CHCHD6: variants seen among roughly 807,000 people sequenced by gnomAD.
CHCHD6 encodes the protein MICOS complex subunit MIC25.
Under a neutral mutation model 32.3 loss-of-function variants are expected in CHCHD6, and 28 were observed. The observed-to-expected ratio is 0.87, with a 90% CI of 0.64 to 1.19. The LOEUF is 1.19. Ranked by LOEUF, CHCHD6 falls within the 50% of genes most tolerant of loss-of-function variation. CHCHD6 has a pLI of 0.00. For missense variants in CHCHD6, 333 were observed against 307.0 expected, an observed-to-expected ratio of 1.08 and a Z score of -0.63; for synonymous variants, 122 against 117.5, an observed-to-expected ratio of 1.04 and a Z score of -0.25.
intron 5 of CHCHD6, among the ~76,000 whole-genome samples, chr3:126,861,877 T>TCCACCATCACCACCTCCCCCTCCA: frequency 3.3e-5 from 1 of 30,442 alleles, no homozygotes; most frequent in Non-Finnish European, 6.2e-5. Context: ...CTCCCCCTCC[T>TCCACCATCACCACCTCCCCCTCCA]CCACCATCAC....
intron 5 of CHCHD6, among the ~76,000 whole-genome samples, chr3:126,858,296 A>AGGGGCG (rs1409911327): frequency 0.3 from 1,302 of 4,316 alleles, 16 homozygotes; most frequent in Middle Eastern, 0.5. Flanking sequence ...ATGTGGTGGC[A>AGGGGCG]GGGGCGGGGG....
chr3:126,883,826 T>C (rs1178299448), intron 5 of CHCHD6, among the ~76,000 whole-genome samples: 1 of 152,212 alleles, frequency 6.6e-6, no homozygotes, highest in Non-Finnish European at 1.5e-5. Context: ...GATATGAAAA[T>C]AGAACCTTTT....
intron 4 of CHCHD6, among the ~76,000 whole-genome samples, chr3:126,835,912 A>G (rs1008173720): frequency 2.0e-5 from 3 of 152,202 alleles, no homozygotes; most frequent in Admixed American, 2.0e-4. Flanking sequence ...TTTCTTCTGT[A>G]AAGGTTTCTC....
At chr3:126,830,262 C>T (rs1264106076) in intron 4 of CHCHD6, among the ~76,000 whole-genome samples, 1 of 152,182 alleles carries the variant, frequency 6.6e-6, no homozygotes, top group Non-Finnish European at 1.5e-5. Context: ...GTGTTGGCCA[C>T]CTCGTGTCAT....
At position 126,773,467 on chromosome 3, in the gene CHCHD6, C is replaced by T. The variant is rs7615370; in HGVS notation, c.411+40245C>T. Among the ~76,000 whole-genome samples the T allele has an allele frequency of 3.1e-3, 465 of 152,312 alleles. 3 individuals carry two copies. The highest frequency in any genetic ancestry group is 0.011 in the African/African-American group (443 of 41,558). ...AGCCATGACAGCGATAGGGCAAAGG[C>T]AAGTAAAAACACCAGAAAGTTTTCC... On this transcript the variant is annotated intron_variant, in intron 4 of 7. Coordinates refer to ENST00000290913, the MANE Select transcript of CHCHD6 (RefSeq NM_032343.3).
intron 6 of CHCHD6, among the ~76,000 whole-genome samples, chr3:126,938,052 A>G (rs2078507215): frequency 6.6e-6 from 1 of 152,238 alleles, no homozygotes; most frequent in African/African-American, 2.4e-5. Context: ...GCTAGCAGCA[A>G]GTTACAACCC....
chr3:126,827,162 C>T (rs1940429488), intron 4 of CHCHD6, among the ~76,000 whole-genome samples: 1 of 152,172 alleles, frequency 6.6e-6, no homozygotes, highest in Non-Finnish European at 1.5e-5. Context: ...ATTCTTTAGG[C>T]TCTCAAAAGC....
chr3:126,872,394 A>G (rs926082515), intron 5 of CHCHD6, among the ~76,000 whole-genome samples: 2 of 152,138 alleles, frequency 1.3e-5, no homozygotes, highest in Non-Finnish European at 2.9e-5. Flanking sequence ...GCCAAGATGA[A>G]GAGATCCTAT....
chr3:126,781,060 G>A (rs929839618), intron 4 of CHCHD6, among the ~76,000 whole-genome samples: 1 of 152,194 alleles, frequency 6.6e-6, no homozygotes, highest in African/African-American at 2.4e-5. Flanking sequence ...GTAAAGGACA[G>A]TAGGATTACC....
intron 5 of CHCHD6, among the ~76,000 whole-genome samples, chr3:126,857,507 A>C (rs1465737092): frequency 1.3e-5 from 2 of 152,056 alleles, no homozygotes; most frequent in Non-Finnish European, 2.9e-5. Flanking sequence ...TTAAGAGAAG[A>C]CCATCATCTG....
At chr3:126,747,713 C>T (rs894194093) in intron 4 of CHCHD6, among the ~76,000 whole-genome samples, 1 of 152,300 alleles carries the variant, frequency 6.6e-6, no homozygotes, top group African/African-American at 2.4e-5. Flanking sequence ...TGTCTCCCTG[C>T]CCACAGGGTC....
intron 5 of CHCHD6, among the ~76,000 whole-genome samples, chr3:126,884,380 C>G (rs1349386669): frequency 1.3e-5 from 2 of 152,114 alleles, no homozygotes; most frequent in African/African-American, 4.8e-5. Flanking sequence ...TTTTGGCAAT[C>G]AAAGAGGGAA....
At chr3:126,862,660 T>C (rs1576513851) in intron 5 of CHCHD6, among the ~76,000 whole-genome samples, 3 of 60,362 alleles carry the variant, frequency 5.0e-5, no homozygotes, top group Non-Finnish European at 6.6e-5. Flanking sequence ...CATCACCACC[T>C]CCCCCTCCTC....
At chr3:126,903,777 C>T (rs895581215) in intron 5 of CHCHD6, among the ~76,000 whole-genome samples, 2 of 152,158 alleles carry the variant, frequency 1.3e-5, no homozygotes, top group African/African-American at 2.4e-5. Flanking sequence ...ACTCCCAGCA[C>T]ACTGTGGAAT....
At chr3:126,948,833 C>G (rs1461539964) in intron 6 of CHCHD6, among the ~76,000 whole-genome samples, 1 of 152,214 alleles carries the variant, frequency 6.6e-6, no homozygotes. Flanking sequence ...GAGTCTGTTT[C>G]CTTTTGGACA....
chr3:126,802,272 C>A (rs1192802311), intron 4 of CHCHD6, among the ~76,000 whole-genome samples: 1 of 152,064 alleles, frequency 6.6e-6, no homozygotes, highest in Non-Finnish European at 1.5e-5. Flanking sequence ...CTGTGAGCTA[C>A]AGGAGGAAAT....
chr3:126,787,410 T>C (rs2107683914), intron 4 of CHCHD6, among the ~76,000 whole-genome samples: 1 of 152,364 alleles, frequency 6.6e-6, no homozygotes, highest in African/African-American at 2.4e-5. Context: ...ATAAGTTACC[T>C]TGGGCAGTAT....
rs1199909803 is a variant in CHCHD6, at chr3:126,800,065, A to G, written c.412-52582A>G. ...TAATATTAAAATCAACACTGTGCCA[A>G]ATATACATCTACATCTTTCCTTCTT... On this transcript the variant is annotated intron_variant, in intron 4 of 7. Transcript: ENST00000290913. 2.0e-5 allele frequency among the ~76,000 whole-genome samples: 3 copies of G among 152,204 alleles called. No homozygotes were observed. The East Asian group carries it at 5.8e-4, about 29-fold the overall frequency.
At chr3:126,934,529 C>G (rs1427992346) in intron 6 of CHCHD6, among the ~76,000 whole-genome samples, 6 of 147,532 alleles carry the variant, frequency 4.1e-5, no homozygotes, top group Non-Finnish European at 7.4e-5. Flanking sequence ...GCACCCTCCC[C>G]TCTCTGCTTT....
Sources: allele counts gnomAD v4.1 joint callset (sites outside exome capture counted in the v4.1 genomes callset), GRCh38; gene constraint gnomAD v4.1.1; transcripts MANE v1.5; gene names NCBI Gene and HGNC (gene_info 2026-07-23, HGNC 2026-07-21).